EIF4A2: variants seen among roughly 807,000 people sequenced by gnomAD.
EIF4A2 encodes the protein eukaryotic initiation factor 4A-II.
A neutral mutation model predicts 50.6 loss-of-function variants in EIF4A2; 9 were observed. The ratio of observed to expected loss-of-function variants is 0.18; its 90% CI spans 0.11 to 0.31. The LOEUF is 0.31. Among genes scored for constraint, EIF4A2 ranks in the 10% least tolerant of loss-of-function variants. The pLI is 1.00. For missense variants in EIF4A2, 182 were observed against 501.8 expected (o/e 0.36, Z 6.09); for synonymous variants, 215 against 164.4 (o/e 1.31, Z -2.35).
intron 6 of EIF4A2, 21 bp downstream of exon 6, chr3:186,786,294 C>G: frequency 1.9e-6 from 3 of 1,599,320 alleles, no homozygotes; most frequent in Non-Finnish European, 2.6e-6. Flanking sequence ...CTTCACCCCC[C>G]TCTTAAAGGT....
At chr3:186,784,099 C>A in intron 1 of EIF4A2, 1 of 476,864 alleles carries the variant, frequency 2.1e-6, no homozygotes, top group Non-Finnish European at 3.8e-6. Flanking sequence ...GCCGGTGAAC[C>A]GTTGGCATCG....
At position 186,784,634 on chromosome 3, in the gene EIF4A2, A is replaced by G. The variant is rs1328591615; in HGVS notation, c.146A>G (p.Tyr49Cys). Residue 49 changes from tyrosine (Y) to cysteine (C), a missense_variant, in exon 3 of 11, where the codon TAT becomes TGT. Tyr to Cys is a radical substitution (Grantham distance 194). This residue lies in a region of EIF4A2 where 113 missense variants were observed against 357.3 expected (regional missense o/e 0.32). Coordinates refer to ENST00000323963, the MANE Select transcript of EIF4A2 (RefSeq NM_001967.4). ...NLKESLLRGI[Y>C]AYGFEKPSAI... ...AAGGAGTCTCTCCTTCGTGGCATCTATGCTTACGGTTTTGAGAAGCCTTCC... is the reference window on the plus strand; with the variant it reads ...AAGGAGTCTCTCCTTCGTGGCATCTGTGCTTACGGTTTTGAGAAGCCTTCC... The G allele has an allele frequency of 1.2e-6, 2 of 1,614,270 alleles. No homozygotes were observed. The highest frequency in any genetic ancestry group is 1.3e-5 in the African/African-American group (1 of 75,078).
At chr3:186,785,458 C>G (rs1165907030) in intron 4 of EIF4A2, 2 of 329,504 alleles carry the variant, frequency 6.1e-6, no homozygotes, top group Admixed American at 4.6e-5. Flanking sequence ...TTTCAAAGCT[C>G]ACTGCTATAT....
intron 4 of EIF4A2, 125 bp downstream of exon 4, chr3:186,785,226 C>T: frequency 2.1e-6 from 3 of 1,399,536 alleles, no homozygotes; most frequent in Non-Finnish European, 1.9e-6. Flanking sequence ...ATTGTCCATG[C>T]ATGCAGGGAG....
chr3:186,784,851 AT>A (rs1292610548), intron 3 of EIF4A2, 110 bp from the exon 4 acceptor site: 2 of 1,602,406 alleles, frequency 1.2e-6, no homozygotes, highest in Non-Finnish European at 1.7e-6. Flanking sequence ...GAGAATACTC[AT>A]TGCTGATCAC....
intron 8 of EIF4A2, 61 bp downstream of exon 8, chr3:186,787,325 C>T (rs1721788826): frequency 6.2e-7 from 1 of 1,613,396 alleles, no homozygotes; most frequent in East Asian, 2.2e-5. Flanking sequence ...TACAATATAG[C>T]TGCTAAGTGC....
rs972669170 is a variant in EIF4A2 at position 186,789,468 on chromosome 3, T to C, written c.*199T>C. 8.3e-6 allele frequency: 5 copies of C among 604,028 alleles called. No homozygotes were observed. The highest frequency in any genetic ancestry group is 5.8e-5 in the African/African-American group (3 of 51,984). The allele number at this position is 604,028 out of a possible 1,614,324, so 37.4% of individuals were successfully genotyped here. On this transcript the variant is annotated 3_prime_UTR_variant, in exon 11 of 11. Transcript: ENST00000323963. The stretch of plus-strand genomic sequence containing the variant: ...GTCATTGGCTTTATCCTCTTTAGAG[T>C]TAGACTGTTGGGGTGGGTATAAAAG...
At position 186,787,851 on chromosome 3, in the gene EIF4A2, C is replaced by T; in HGVS notation, c.1048C>T (p.Leu350=). 6.2e-7 allele frequency: 1 copy of T among 1,613,834 alleles called. No individual in the cohort carries two copies. Among genetic ancestry groups the T allele is most frequent in the Non-Finnish European group, 8.5e-7 (1 of 1,179,948 alleles). Reference sequence around the variant, plus strand: ...AGTGTCTTTGGTTATAAATTATGATCTACCTACCAATCGTGAAAACTATAT... The same window carrying T: ...AGTGTCTTTGGTTATAAATTATGATTTACCTACCAATCGTGAAAACTATAT... ...QQVSLVINYD[L]PTNRENYIHR... Residue 350 remains leucine (L), a synonymous_variant, in exon 10 of 11, where the codon CTA becomes TTA. Coordinates refer to ENST00000323963, the MANE Select transcript of EIF4A2 (RefSeq NM_001967.4).
intron 4 of EIF4A2, chr3:186,785,503 G>T: frequency 3.4e-6 from 1 of 295,334 alleles, no homozygotes; most frequent in Non-Finnish European, 6.4e-6. Context: ...TAAAGCTGTA[G>T]GCTTTATTGA....
rs1560084814 is a variant in EIF4A2, at chr3:186,786,149, CTT to C, written c.518-13_518-12del. 9 of 1,611,348 alleles carry C rather than the reference CTT, an allele frequency of 5.6e-6. No individual in the cohort carries two copies. Among genetic ancestry groups the C allele is most frequent in the African/African-American group, 4.0e-5 (3 of 74,776 alleles). On this transcript the variant is annotated splice_polypyrimidine_tract_variant and intron_variant, in intron 5 of 10. Coordinates refer to ENST00000323963, the MANE Select transcript of EIF4A2 (RefSeq NM_001967.4). ...AGTAGATCTAGAAATGACAGTATGACTTTGTTTCTAACAGCTCCAAAATGGAT... is the reference window on the plus strand; with the variant it reads ...AGTAGATCTAGAAATGACAGTATGACTGTTTCTAACAGCTCCAAAATGGAT...
At chr3:186,783,816 A>G in intron 1 of EIF4A2, 177 bp downstream of exon 1, 2 of 1,001,554 alleles carry the variant, frequency 2.0e-6, no homozygotes, top group South Asian at 1.5e-5. Flanking sequence ...GTGGGGAGAT[A>G]GGACGGTGGT....
Position 186,789,533 on chromosome 3 carries a change from C to T in EIF4A2, c.*264C>T, listed in dbSNP as rs1579171731. ...ATCTTTCTTTCTTAGAAATTTATTTCCTAGTTCTGTAGAAATGGTTGTATT... is the reference window on the plus strand; with the variant it reads ...ATCTTTCTTTCTTAGAAATTTATTTTCTAGTTCTGTAGAAATGGTTGTATT... On this transcript the variant is annotated 3_prime_UTR_variant, in exon 11 of 11. Transcript: ENST00000323963. The T allele has an allele frequency of 2.7e-6, 1 of 376,724 alleles. No homozygotes were observed. Among genetic ancestry groups the T allele is most frequent in the South Asian group, 7.1e-5 (1 of 14,144 alleles). 23.3% of individuals were successfully genotyped at this position (376,724 alleles called of 1,614,324 possible).
intron 7 of EIF4A2, 122 bp downstream of exon 7, chr3:186,786,767 A>G (rs1235148789): frequency 7.6e-7 from 1 of 1,317,206 alleles, no homozygotes; most frequent in Non-Finnish European, 1.1e-6. Context: ...ACAAGAAGAA[A>G]AGTAACAGCA....
In EIF4A2 at chr3:186,783,713, C is replaced by T. The variant is rs266720; in HGVS notation, c.29+74C>T. 3.1e-6 allele frequency: 5 copies of T among 1,610,584 alleles called. No individual in the cohort carries two copies. The African/African-American group carries it at 5.4e-5, about 17-fold the overall frequency. On this transcript the variant is annotated intron_variant, in intron 1 of 10. Coordinates refer to ENST00000323963, the MANE Select transcript of EIF4A2 (RefSeq NM_001967.4). ...CCAGGGGAGATGATAGTGGATGGCA[C>T]GGAGGCAAAAACTCTAAATTAATGG... is the stretch of plus-strand genomic sequence containing the variant.
rs1410487175 is a variant in EIF4A2 at position 186,789,708 on chromosome 3, C to T, written c.*439C>T. The T allele has an allele frequency of 5.2e-6, 2 of 384,222 alleles. No homozygotes were observed. Among genetic ancestry groups the T allele is most frequent in the South Asian group, 5.1e-5 (1 of 19,514 alleles). The allele number at this position is 384,222 out of a possible 1,614,324, so 23.8% of individuals were successfully genotyped here. ...AGGCCTTTAAAATTTTTTTAGAAAG[C>T]ATTTGAATGCATTTTGTTTGGTATT... is the stretch of plus-strand genomic sequence containing the variant. On this transcript the variant is annotated 3_prime_UTR_variant, in exon 11 of 11. Transcript: ENST00000323963.
chr3:186,784,367 ATGCGCTTAAGG>A, intron 1 of EIF4A2, 54 bp from the exon 2 acceptor site: 1 of 1,612,642 alleles, frequency 6.2e-7, no homozygotes, highest in Non-Finnish European at 8.5e-7. Flanking sequence ...GCAAAGGGCT[ATGCGCTTAAGG>A]TGCAGTTGAG....
In EIF4A2 at chr3:186,786,687, A is replaced by G. The variant is rs761728419; in HGVS notation, c.771+42A>G. On this transcript the variant is annotated intron_variant, in intron 7 of 10. Coordinates refer to ENST00000323963, the MANE Select transcript of EIF4A2 (RefSeq NM_001967.4). Reference sequence around the variant, plus strand: ...TAGACATTATTTTACCTTCTTGTATAAGCACTGTGCTAAAATTGCAGACAC... The same window carrying G: ...TAGACATTATTTTACCTTCTTGTATGAGCACTGTGCTAAAATTGCAGACAC... 1.5e-5 allele frequency: 24 copies of G among 1,611,266 alleles called. No homozygotes were observed. In the Admixed American group the frequency reaches 4.0e-4, roughly 27 times the overall value.
chr3:186,787,723 G>GT, intron 9 of EIF4A2, 80 bp from the exon 10 acceptor site: 1 of 1,596,516 alleles, frequency 6.3e-7, no homozygotes, highest in East Asian at 2.2e-5. Context: ...ACTTAGTATA[G>GT]TTCGCTACTA....
At chr3:186,784,217 C>T (rs1721553908) in intron 1 of EIF4A2, 1 of 634,284 alleles carries the variant, frequency 1.6e-6, no homozygotes, top group Non-Finnish European at 2.7e-6. Context: ...GAAACGGGAT[C>T]GCCATGCGCT....
Sources: allele counts gnomAD v4.1 joint callset, GRCh38; gene constraint gnomAD v4.1.1; regional missense constraint gnomAD v4.1.1; transcripts MANE v1.5; gene names NCBI Gene and HGNC (gene_info 2026-07-23, HGNC 2026-07-21).